SGIP1: variants seen among roughly 807,000 people sequenced by gnomAD.
SGIP1 encodes SH3-containing GRB2-like protein 3-interacting protein 1.
In SGIP1, 38 loss-of-function variants were observed where a neutral mutation model predicts 107.5. The ratio of observed to expected loss-of-function variants is 0.35; its 90% CI spans 0.27 to 0.46. The LOEUF (loss-of-function observed/expected upper bound fraction) is 0.46, where lower values mean the gene tolerates loss of function less well. SGIP1 is among the 20% of genes least tolerant of loss of function. The pLI is 1.00. For synonymous variants in SGIP1, 365 were observed against 366.1 expected, an observed-to-expected ratio of 1.00 and a Z score of 0.03; for missense variants, 929 against 1,019.5, an observed-to-expected ratio of 0.91 and a Z score of 1.21.
rs971744103 is a variant in SGIP1, at chr1:66,611,581, A to C, written c.11-14266A>C. On this transcript the variant is annotated intron_variant, in intron 1 of 24. Coordinates refer to ENST00000371037, the MANE Select transcript of SGIP1 (RefSeq NM_032291.4). ...TGTCTCTTCCTGGCTGAAGTGGTAA[A>C]GTATCTGAGGTGACTTCTTCACATT... Among the ~76,000 whole-genome samples, 3 of 152,338 alleles carry C rather than the reference A, an allele frequency of 2.0e-5. 1 individual carries two copies. Among genetic ancestry groups the C allele is most frequent in the Middle Eastern group, 6.8e-3 (2 of 294 alleles).
At chr1:66,718,424 A>G (rs1018939942) in intron 18 of SGIP1, among the ~76,000 whole-genome samples, 28 of 152,148 alleles carry the variant, frequency 1.8e-4, no homozygotes, top group African/African-American at 6.5e-4. Flanking sequence ...TATAGTGGGA[A>G]AAACATGAGT....
chr1:66,592,767 G>A (rs1376055725), intron 1 of SGIP1, among the ~76,000 whole-genome samples: 1 of 151,916 alleles, frequency 6.6e-6, no homozygotes, highest in Non-Finnish European at 1.5e-5. Flanking sequence ...CCTACCCCTG[G>A]AACTACTAAT....
At chr1:66,600,689 A>G (rs1321490992) in intron 1 of SGIP1, among the ~76,000 whole-genome samples, 1 of 152,178 alleles carries the variant, frequency 6.6e-6, no homozygotes, top group African/African-American at 2.4e-5. Context: ...TCAGAGAGAG[A>G]GCAACCAGTA....
chr1:66,538,092 A>G (rs1417660134), intron 1 of SGIP1, among the ~76,000 whole-genome samples: 1 of 152,174 alleles, frequency 6.6e-6, no homozygotes, highest in Non-Finnish European at 1.5e-5. Context: ...ATTTTGCATA[A>G]TTGAAGAGTA....
intron 1 of SGIP1, among the ~76,000 whole-genome samples, chr1:66,609,049 T>TATCCCACAG (rs1553253355): frequency 2.0e-5 from 3 of 152,262 alleles, no homozygotes; most frequent in Admixed American, 1.3e-4. Flanking sequence ...AGGTCACTTT[T>TATCCCACAG]GACACTTGAG....
chr1:66,734,833 A>AT (rs1005767875), intron 21 of SGIP1, among the ~76,000 whole-genome samples: 4 of 151,936 alleles, frequency 2.6e-5, no homozygotes, highest in Non-Finnish European at 5.9e-5. Flanking sequence ...AAACTTTTTT[A>AT]TTTTTTAAAT....
chr1:66,595,289 G>C (rs1413981609), intron 1 of SGIP1, among the ~76,000 whole-genome samples: 1 of 151,782 alleles, frequency 6.6e-6, no homozygotes, highest in Non-Finnish European at 1.5e-5. Context: ...AGTGTCAACT[G>C]GGTTCTCTTC....
At chr1:66,694,590 C>T in intron 17 of SGIP1, 1 of 1,063,266 alleles carries the variant, frequency 9.4e-7, no homozygotes, top group South Asian at 1.7e-5. Flanking sequence ...ACTTCATGGA[C>T]ATGCCCTCAC....
chr1:66,694,344 C>A, intron 17 of SGIP1: 3 of 1,003,668 alleles, frequency 3.0e-6, no homozygotes, highest in Non-Finnish European at 4.4e-6. Flanking sequence ...AAAATCATTC[C>A]TGTGTTTCAA....
chr1:66,681,243 G>A (rs985154127), intron 14 of SGIP1, among the ~76,000 whole-genome samples: 6 of 152,130 alleles, frequency 3.9e-5, no homozygotes, highest in African/African-American at 1.4e-4. Flanking sequence ...AAGTATCTTT[G>A]TGGTGATACC....
At chr1:66,660,550 T>G (rs2081264404) in intron 8 of SGIP1, 26 bp downstream of exon 8, 5 of 1,597,554 alleles carry the variant, frequency 3.1e-6, no homozygotes, top group East Asian at 2.2e-5. Flanking sequence ...TTCCCGCTTT[T>G]GGGGCAAACA....
rs138516106 is a variant in SGIP1, at chr1:66,590,051, G to A, written c.11-35796G>A. On this transcript the variant is annotated intron_variant, in intron 1 of 24. Transcript: ENST00000371037. ...AGACTAAGACCTCAAGTGACTCTAGGTACTAAAGGGATTTTTGCATCCCCT... is the reference window on the plus strand; with the variant it reads ...AGACTAAGACCTCAAGTGACTCTAGATACTAAAGGGATTTTTGCATCCCCT... Among the ~76,000 whole-genome samples, 483 of 152,232 alleles carry A rather than the reference G, an allele frequency of 3.2e-3. 2 individuals are homozygous for A. The highest frequency in any genetic ancestry group is 0.011 in the African/African-American group (458 of 41,514).
Position 66,596,510 on chromosome 1 carries a change from G to T in SGIP1, c.11-29337G>T, listed in dbSNP as rs192004188. 5.9e-5 allele frequency among the ~76,000 whole-genome samples: 9 copies of T among 152,134 alleles called. No individual in the cohort carries two copies. In the East Asian group the frequency reaches 1.7e-3, roughly 30 times the overall value. ...AGAAAAACCAATTAGGAAAGGGTCGGTATATGTAAAATAGGTGAAAGGTGG... is the reference window on the plus strand; with the variant it reads ...AGAAAAACCAATTAGGAAAGGGTCGTTATATGTAAAATAGGTGAAAGGTGG... On this transcript the variant is annotated intron_variant, in intron 1 of 24. Transcript: ENST00000371037.
intron 1 of SGIP1, among the ~76,000 whole-genome samples, chr1:66,605,561 G>A (rs1166608117): frequency 6.6e-6 from 1 of 151,652 alleles, no homozygotes; most frequent in Non-Finnish European, 1.5e-5. Flanking sequence ...GTGTATGAGA[G>A]GAGGCAGTCT....
At chr1:66,718,713 G>C (rs1417080222) in intron 18 of SGIP1, among the ~76,000 whole-genome samples, 7 of 152,058 alleles carry the variant, frequency 4.6e-5, no homozygotes, top group Non-Finnish European at 8.8e-5. Flanking sequence ...GTGTGAATTA[G>C]TGCATTTATG....
At chr1:66,627,923 G>A (rs1468363953) in intron 2 of SGIP1, among the ~76,000 whole-genome samples, 2 of 133,620 alleles carry the variant, frequency 1.5e-5, no homozygotes, top group African/African-American at 5.8e-5. Context: ...ACAGGCCCCG[G>A]TGTGTGATGT....
intron 9 of SGIP1, among the ~76,000 whole-genome samples, chr1:66,669,299 A>C (rs747632121): frequency 2.0e-5 from 3 of 152,220 alleles, no homozygotes; most frequent in East Asian, 3.8e-4. Context: ...CTACAAAAGG[A>C]GCTCTGTAGC....
At chr1:66,685,213 C>T (rs984407307) in intron 15 of SGIP1, among the ~76,000 whole-genome samples, 12 of 152,160 alleles carry the variant, frequency 7.9e-5, no homozygotes, top group Admixed American at 7.9e-4. Context: ...AATTGTATAC[C>T]ACTATGCACT....
chr1:66,729,722 A>T (rs1053068807), intron 20 of SGIP1, among the ~76,000 whole-genome samples: 3 of 152,244 alleles, frequency 2.0e-5, no homozygotes, highest in African/African-American at 4.8e-5. Context: ...TTTACTCATT[A>T]TCAACAGACA....
Sources: gnomAD v4.1 joint callset for allele counts (sites outside exome capture counted in the v4.1 genomes callset) on GRCh38, gnomAD v4.1.1 for gene constraint, MANE v1.5 for transcripts, NCBI Gene and HGNC (gene_info 2026-07-23, HGNC 2026-07-21) for gene names.